Variants in TAF1 observed in about 807,000 individuals in gnomAD.
The protein encoded by TAF1 is transcription initiation factor TFIID subunit 1.
A neutral mutation model predicts 138.5 loss-of-function variants in TAF1; 2 were observed. That is an observed-to-expected ratio of 0.01 (90% confidence interval 0.01 to 0.05). The LOEUF (loss-of-function observed/expected upper bound fraction) is 0.05. TAF1 is among the 10% of genes least tolerant of loss of function. TAF1 has a pLI of 1.00. For missense variants in TAF1, 709 were observed against 1,478.0 expected (o/e 0.48, Z 8.53); for synonymous variants, 437 against 503.2 (o/e 0.87, Z 1.76).
At chrX:71,433,563 G>T (rs985359888) in intron 32 of TAF1, among the ~76,000 whole-genome samples, 4 of 111,083 alleles carry the variant, frequency 3.6e-5, no homozygotes, top group Non-Finnish European at 7.5e-5. Context: ...AGTATCCAGT[G>T]TTGCTAGATA....
intron 13 of TAF1, among the ~76,000 whole-genome samples, chrX:71,509,958 G>T (rs2039701454): frequency 9.6e-6 from 1 of 104,364 alleles, no homozygotes; most frequent in Non-Finnish European, 2.0e-5. Context: ...TAGCCTGGGT[G>T]ACAGAGTGAG....
intron 32 of TAF1, 144 bp downstream of exon 32, chrX:71,424,382 A>G: frequency 3.0e-6 from 1 of 334,904 alleles, no homozygotes; most frequent in Non-Finnish European, 4.9e-6. Context: ...ATCATAGTTC[A>G]CTGAACCAGG....
intron 28 of TAF1, among the ~76,000 whole-genome samples, chrX:71,408,561 C>A (rs943659628): frequency 9.0e-6 from 1 of 111,475 alleles, no homozygotes; most frequent in South Asian, 3.7e-4. Flanking sequence ...GTCATCCACC[C>A]GCCTCAGCCT....
chrX:71,460,865 C>G, intron 37 of TAF1, 62 bp downstream of exon 37: 1 of 1,147,985 alleles, frequency 8.7e-7, no homozygotes, highest in Non-Finnish European at 1.2e-6. Flanking sequence ...TGTTGAGGGG[C>G]CCAACATCAG....
intron 34 of TAF1, among the ~76,000 whole-genome samples, chrX:71,456,063 GC>G (rs1428404676): frequency 9.0e-6 from 1 of 111,727 alleles, no homozygotes; most frequent in Non-Finnish European, 1.9e-5. Context: ...GAGTGATGTT[GC>G]CCAGGAAGGC....
intron 13 of TAF1, among the ~76,000 whole-genome samples, chrX:71,485,947 C>T (rs372835896): frequency 1.8e-5 from 2 of 109,987 alleles, no homozygotes; most frequent in East Asian, 2.8e-4. Flanking sequence ...TTTCCCCCTA[C>T]GTTTTTTCTT....
chrX:71,379,788 G>T (rs1602472721), intron 8 of TAF1, among the ~76,000 whole-genome samples: 1 of 108,857 alleles, frequency 9.2e-6, no homozygotes, highest in Non-Finnish European at 1.9e-5. Flanking sequence ...TTTTAGTAGC[G>T]ATGGGGTTTC....
intron 18 of TAF1, 66 bp downstream of exon 18, chrX:71,389,731 C>A: frequency 1.1e-6 from 1 of 875,663 alleles, no homozygotes; most frequent in Non-Finnish European, 1.6e-6. Flanking sequence ...AAAGAGACAG[C>A]TTTATTGAGA....
chrX:71,375,423 AT>A, intron 4 of TAF1, 137 bp downstream of exon 4: 1 of 830,405 alleles, frequency 1.2e-6, no homozygotes, highest in Non-Finnish European at 1.6e-6. Context: ...ACAATCGCAA[AT>A]TTTAGTATTA....
intron 32 of TAF1, among the ~76,000 whole-genome samples, chrX:71,430,928 T>A (rs1396841903): frequency 9.1e-6 from 1 of 109,923 alleles, no homozygotes; most frequent in Non-Finnish European, 1.9e-5. Context: ...ACTTGCTATG[T>A]TGTATTGGGG....
chrX:71,481,785 C>G (rs1440903789), intron 13 of TAF1, among the ~76,000 whole-genome samples: 1 of 111,572 alleles, frequency 9.0e-6, no homozygotes, highest in Non-Finnish European at 1.9e-5. Flanking sequence ...TCTCGATCTC[C>G]TGACCCCATG....
Position 71,407,690 on chromosome X carries a change from G to T in TAF1, c.4206+18G>T, listed in dbSNP as rs1469150487. ...TTCCAAATGTGAGTTCATTGCATTG[G>T]ATATCTATAGTAGGGATGTCAAGGC... On this transcript the variant is annotated intron_variant, in intron 27 of 37. Transcript: ENST00000423759. 4 of 1,178,101 alleles carry T rather than the reference G, an allele frequency of 3.4e-6. No individual in the cohort carries two copies. In the South Asian group the frequency reaches 7.1e-5, roughly 21 times the overall value.
intron 32 of TAF1, 45 bp from the exon 33 acceptor site, chrX:71,454,125 G>C (rs188284958): frequency 1.8e-6 from 2 of 1,119,138 alleles, no homozygotes; most frequent in African/African-American, 3.6e-5. Context: ...TAAAATTCTG[G>C]AACAAGTCTG....
chrX:71,413,234 T>C (rs1050793134), intron 28 of TAF1, among the ~76,000 whole-genome samples: 2 of 112,033 alleles, frequency 1.8e-5, no homozygotes, highest in African/African-American at 3.2e-5. Context: ...GTAACTCTTA[T>C]GTTTAATTAA....
chrX:71,475,247 G>C (rs1488361964), intron 13 of TAF1, among the ~76,000 whole-genome samples: 2 of 111,256 alleles, frequency 1.8e-5, no homozygotes, highest in African/African-American at 6.5e-5. Context: ...CCCAAGGGGA[G>C]AACTTGGGAA....
At chrX:71,468,528 A>G (rs1034735944), downstream of TAF1, among the ~76,000 whole-genome samples, 10 of 108,710 alleles carry the variant, frequency 9.2e-5, no homozygotes, top group African/African-American at 3.4e-4. Context: ...TCTACTAAAA[A>G]TACAAAAATT....
At chrX:71,429,046 T>C (rs1420519754) in intron 32 of TAF1, among the ~76,000 whole-genome samples, 1 of 110,346 alleles carries the variant, frequency 9.1e-6, no homozygotes, top group African/African-American at 3.3e-5. Flanking sequence ...GAGGCTGAGG[T>C]GGGCGGATCA....
At chrX:71,379,811 A>C (rs982653261) in intron 8 of TAF1, among the ~76,000 whole-genome samples, 9 of 109,857 alleles carry the variant, frequency 8.2e-5, no homozygotes, top group Non-Finnish European at 1.3e-4. Flanking sequence ...CATGTTGGTC[A>C]GGCTGGTCTC....
intron 13 of TAF1, chrX:71,492,577 C>T: frequency 7.8e-6 from 1 of 128,356 alleles, no homozygotes; most frequent in East Asian, 2.4e-4. Flanking sequence ...TGTCTACCTG[C>T]CGCGTGAGGC....
Sources: allele counts gnomAD v4.1 joint callset (sites outside exome capture counted in the v4.1 genomes callset), GRCh38; gene constraint gnomAD v4.1.1; transcripts MANE v1.5; gene names NCBI Gene and HGNC (gene_info 2026-07-23, HGNC 2026-07-21).